Variants in MINAR2 observed in about 807,000 individuals in gnomAD.
The protein encoded by MINAR2 is membrane integral NOTCH2 associated receptor 2.
A neutral mutation model predicts 16.1 loss-of-function variants in MINAR2; 21 were observed. The ratio of observed to expected loss-of-function variants is 1.31; its 90% CI spans 0.93 to 1.88. The LOEUF (loss-of-function observed/expected upper bound fraction) is 1.88, where lower values mean the gene tolerates loss of function less well. MINAR2 is among the 40% of genes most tolerant of loss of function. The pLI is 0.00. For synonymous variants in MINAR2, 86 were observed against 83.0 expected (o/e 1.04, Z -0.20); for missense variants, 259 against 229.8 (o/e 1.13, Z -0.82).
intron 1 of MINAR2, among the ~76,000 whole-genome samples, chr5:129,751,125 A>G (rs952148103): frequency 6.6e-6 from 1 of 152,202 alleles, no homozygotes; most frequent in Admixed American, 6.5e-5. Context: ...ATGACTTATC[A>G]TCTAACTTTT....
chr5:129,765,031 A>G lies in MINAR2; in HGVS notation c.541A>G (p.Thr181Ala). 1 of 1,317,462 alleles carries G rather than the reference A, an allele frequency of 7.6e-7. No homozygotes were observed. Among genetic ancestry groups the G allele is most frequent in the Non-Finnish European group, 9.7e-7 (1 of 1,030,620 alleles). The allele number at this position is 1,317,462 out of a possible 1,614,324, so 81.6% of individuals were successfully genotyped here. A position where few individuals can be genotyped will look rare whatever the true frequency, so the allele number is the denominator to read the frequency against. Residue 181 changes from threonine to alanine, a missense_variant, in exon 3 of 3, where the codon ACC becomes GCC. Coordinates refer to ENST00000564719, the MANE Select transcript of MINAR2 (RefSeq NM_001257308.2). ...ILLVVISILV[T>A]IVTIITFFT is the part of the protein sequence containing the mutation. ...ACTTGTCGTTATCTCCATCTTGGTTACCATAGTGACTATCATTACTTTTTT... is the reference window on the plus strand; with the variant it reads ...ACTTGTCGTTATCTCCATCTTGGTTGCCATAGTGACTATCATTACTTTTTT...
At chr5:129,763,045 T>A (rs539601667) in intron 2 of MINAR2, among the ~76,000 whole-genome samples, 1 of 152,110 alleles carries the variant, frequency 6.6e-6, no homozygotes, top group African/African-American at 2.4e-5. Flanking sequence ...TTATTGGCAA[T>A]AGGGAGTAAT....
At chr5:129,752,592 G>A (rs1757999070) in intron 1 of MINAR2, among the ~76,000 whole-genome samples, 1 of 152,080 alleles carries the variant, frequency 6.6e-6, no homozygotes, top group Admixed American at 6.6e-5. Context: ...GGCAAGGGGA[G>A]GGATAGCATT....
At chr5:129,763,068 A>G (rs1052511540) in intron 2 of MINAR2, among the ~76,000 whole-genome samples, 1 of 152,202 alleles carries the variant, frequency 6.6e-6, no homozygotes, top group Non-Finnish European at 1.5e-5. Flanking sequence ...TTTAAGCTGG[A>G]CAATTATATG....
intron 2 of MINAR2, among the ~76,000 whole-genome samples, chr5:129,761,420 A>AT (rs1178514534): frequency 1.3e-5 from 2 of 151,674 alleles, no homozygotes; most frequent in Non-Finnish European, 2.9e-5. Flanking sequence ...GCACTCGAGA[A>AT]TTTTTTTCTT....
intron 1 of MINAR2, among the ~76,000 whole-genome samples, chr5:129,754,226 G>T (rs1581289475): frequency 6.6e-6 from 1 of 152,112 alleles, no homozygotes; most frequent in African/African-American, 2.4e-5. Context: ...ACCATGGAGG[G>T]TCCATGGGCT....
chr5:129,757,565 AG>A (rs1464878208), intron 1 of MINAR2, among the ~76,000 whole-genome samples: 1 of 151,810 alleles, frequency 6.6e-6, no homozygotes, highest in Non-Finnish European at 1.5e-5. Flanking sequence ...TCTGTTTCTG[AG>A]ATTTTCCACC....
chr5:129,761,382 T>C (rs945207211), intron 2 of MINAR2, among the ~76,000 whole-genome samples: 8 of 152,264 alleles, frequency 5.3e-5, no homozygotes, highest in African/African-American at 1.9e-4. Context: ...TTTAAAAATG[T>C]TTATCTAAGC....
chr5:129,759,156 AATGTTGAC>A (rs1214013834), intron 1 of MINAR2, among the ~76,000 whole-genome samples: 7 of 152,092 alleles, frequency 4.6e-5, no homozygotes, highest in African/African-American at 1.4e-4. Flanking sequence ...TACACTAATA[AATGTTGAC>A]AGCATCAGAG....
At chr5:129,750,644 C>T (rs1324355585) in intron 1 of MINAR2, among the ~76,000 whole-genome samples, 2 of 152,052 alleles carry the variant, frequency 1.3e-5, no homozygotes, top group African/African-American at 4.8e-5. Context: ...TATAAAAGAT[C>T]AAGAATATGT....
intron 1 of MINAR2, among the ~76,000 whole-genome samples, chr5:129,753,141 C>A (rs1194806091): frequency 6.6e-6 from 1 of 151,858 alleles, no homozygotes; most frequent in Non-Finnish European, 1.5e-5. Context: ...ACACGTCATG[C>A]CTTCCTAAGA....
chr5:129,759,794 A>G (rs1290485576), intron 1 of MINAR2, among the ~76,000 whole-genome samples: 2 of 149,582 alleles, frequency 1.3e-5, no homozygotes, highest in Non-Finnish European at 3.0e-5. Flanking sequence ...AAAGTTTTTA[A>G]AAACCTGAAA....
intron 2 of MINAR2, among the ~76,000 whole-genome samples, chr5:129,764,587 C>T (rs142986753): frequency 8.1e-4 from 123 of 152,178 alleles, no homozygotes; most frequent in African/African-American, 2.9e-3. Context: ...TGTTTCTGAC[C>T]CTCTGATGTG....
Position 129,748,372 on chromosome 5 carries a change from C to G in MINAR2, c.165+17C>G, listed in dbSNP as rs1757944545. 1 of 1,527,602 alleles carries G rather than the reference C, an allele frequency of 6.5e-7. No homozygotes were observed. Among genetic ancestry groups the G allele is most frequent in the African/African-American group, 1.4e-5 (1 of 72,646 alleles). The allele number at this position is 1,527,602 out of a possible 1,614,324, so 94.6% of individuals were successfully genotyped here. A position where few individuals can be genotyped will look rare whatever the true frequency, so the allele number is the denominator to read the frequency against. ...TACTCACAGGTAAGATCTAGGGGCA[C>G]AAAAATACGGGGATGGAGGCTTGTT... On this transcript the variant is annotated intron_variant, in intron 1 of 2. Transcript: ENST00000564719.
intron 1 of MINAR2, among the ~76,000 whole-genome samples, chr5:129,757,081 T>TAC (rs1343147144): frequency 6.6e-6 from 1 of 150,750 alleles, no homozygotes; most frequent in African/African-American, 2.4e-5. Flanking sequence ...TATATATATA[T>TAC]ATCTCATCAC....
chr5:129,755,766 CTTTG>C (rs1758047050), intron 1 of MINAR2, among the ~76,000 whole-genome samples: 2 of 151,966 alleles, frequency 1.3e-5, no homozygotes, highest in African/African-American at 4.8e-5. Flanking sequence ...TAGCTTTCAA[CTTTG>C]TTTATCTTCT....
At position 129,765,118 on chromosome 5, in the gene MINAR2, C is replaced by T. The variant is rs955759150; in HGVS notation, c.*55C>T. On this transcript the variant is annotated 3_prime_UTR_variant, in exon 3 of 3. Coordinates refer to ENST00000564719, the MANE Select transcript of MINAR2 (RefSeq NM_001257308.2). ...ATTTCCTAAAAATTTTTCTGATAAA[C>T]ATTTGAAACCCCCCCCACCAAAATA... 3 of 1,054,016 alleles carry T rather than the reference C, an allele frequency of 2.8e-6. No homozygotes were observed. Among genetic ancestry groups the T allele is most frequent in the Non-Finnish European group, 3.6e-6 (3 of 830,374 alleles). The allele number at this position is 1,054,016 out of a possible 1,614,324, so 65.3% of individuals were successfully genotyped here. A position where few individuals can be genotyped will look rare whatever the true frequency, so the allele number is the denominator to read the frequency against.
chr5:129,764,872 A>G lies in MINAR2; in HGVS notation c.394-12A>G. 3 of 1,291,242 alleles carry G rather than the reference A, an allele frequency of 2.3e-6. No individual in the cohort carries two copies. Among genetic ancestry groups the G allele is most frequent in the Non-Finnish European group, 3.0e-6 (3 of 1,013,666 alleles). The allele number at this position is 1,291,242 out of a possible 1,614,324, so 80.0% of individuals were successfully genotyped here. ...ACTGATTAATCATATTCTCTATGTA[A>G]TTTTCTTTTAGGAAAATCCTAATGA... On this transcript the variant is annotated splice_polypyrimidine_tract_variant and intron_variant, in intron 2 of 2. Coordinates refer to ENST00000564719, the MANE Select transcript of MINAR2 (RefSeq NM_001257308.2).
chr5:129,753,313 A>G (rs1387083667), intron 1 of MINAR2, among the ~76,000 whole-genome samples: 1 of 151,148 alleles, frequency 6.6e-6, no homozygotes, highest in African/African-American at 2.4e-5. Context: ...GCAAAACCCC[A>G]TCTATAGTAA....
Sources: allele counts gnomAD v4.1 joint callset (sites outside exome capture counted in the v4.1 genomes callset), GRCh38; gene constraint gnomAD v4.1.1; transcripts MANE v1.5; gene names NCBI Gene and HGNC (gene_info 2026-07-23, HGNC 2026-07-21).